The following MARCHF2 variants were observed in gnomAD, a reference collection of about 807,000 sequenced individuals.
MARCHF2 encodes E3 ubiquitin-protein ligase MARCHF2.
Under a neutral mutation model 24.0 loss-of-function variants are expected in MARCHF2, and 22 were observed. The observed-to-expected ratio is 0.92, with a 90% CI of 0.66 to 1.31. The LOEUF (loss-of-function observed/expected upper bound fraction) is 1.31. MARCHF2 is among the 50% of genes most tolerant of loss of function. The probability of loss-of-function intolerance (pLI) is 0.00; values close to 1 mark genes in which losing one functional copy is unlikely to be tolerated. For synonymous variants in MARCHF2, 154 were observed against 153.0 expected (o/e 1.01, Z -0.05); for missense variants, 301 against 335.3 (o/e 0.90, Z 0.80).
At chr19:8,425,965 C>T (rs1363191771) in intron 2 of MARCHF2, among the ~76,000 whole-genome samples, 4 of 151,612 alleles carry the variant, frequency 2.6e-5, no homozygotes, top group African/African-American at 7.3e-5. Flanking sequence ...CGGTGGCTCA[C>T]GCCTGTAATC....
intron 1 of MARCHF2, among the ~76,000 whole-genome samples, chr19:8,414,993 C>G (rs919208857): frequency 6.6e-6 from 1 of 152,248 alleles, no homozygotes; most frequent in Non-Finnish European, 1.5e-5. Flanking sequence ...CAAATTCTGA[C>G]ACCACCCCTT....
At chr19:8,416,192 A>T (rs568150617) in intron 1 of MARCHF2, among the ~76,000 whole-genome samples, 1 of 151,912 alleles carries the variant, frequency 6.6e-6, no homozygotes, top group African/African-American at 2.4e-5. Context: ...AAATACAAAA[A>T]TTAGCCGGGT....
chr19:8,433,886 GA>G (rs1314229458), intron 4 of MARCHF2, among the ~76,000 whole-genome samples: 24 of 142,126 alleles, frequency 1.7e-4, no homozygotes, highest in South Asian at 6.7e-4. Flanking sequence ...AAAAAAAAAA[GA>G]AAAAAAGCCT....
At chr19:8,425,956 G>T (rs1017684034) in intron 2 of MARCHF2, among the ~76,000 whole-genome samples, 1 of 151,708 alleles carries the variant, frequency 6.6e-6, no homozygotes, top group African/African-American at 2.4e-5. Context: ...GGCCGGGTGC[G>T]GTGGCTCACG....
At chr19:8,421,199 T>G (rs553398720) in intron 1 of MARCHF2, among the ~76,000 whole-genome samples, 40 of 150,978 alleles carry the variant, frequency 2.6e-4, no homozygotes, top group African/African-American at 9.0e-4. Flanking sequence ...CTCGGCTCAC[T>G]GTAACTTCCC....
At chr19:8,416,756 G>A (rs190415534) in intron 1 of MARCHF2, among the ~76,000 whole-genome samples, 288 of 152,152 alleles carry the variant, frequency 1.9e-3, no homozygotes, top group Admixed American at 3.3e-3. Context: ...TTGTAGAGAC[G>A]GGGTCTTGGT....
intron 1 of MARCHF2, among the ~76,000 whole-genome samples, chr19:8,415,739 A>C (rs868089078): frequency 1.0e-5 from 1 of 96,798 alleles, no homozygotes; most frequent in African/African-American, 4.0e-5. Flanking sequence ...AAAAAACAAA[A>C]AAAACAAAAA....
At position 8,430,633 on chromosome 19, in the gene MARCHF2, C is replaced by G. The variant is rs757922607; in HGVS notation, c.373-25C>G. 2.1e-5 allele frequency: 33 copies of G among 1,599,020 alleles called. 1 individual carries two copies. The South Asian group carries it at 3.6e-4, about 18-fold the overall frequency. On this transcript the variant is annotated intron_variant, in intron 3 of 4. Transcript: ENST00000215555. This position sits in a 1 kb window ranked among gnomAD's most constrained non-coding sequence, Gnocchi z 4.4. ...TAGCCCCTTCTCTGCCCCCTCTCCT[C>G]TGCCCCCTATCCTCTCCCCTGCAGT...
intron 1 of MARCHF2, among the ~76,000 whole-genome samples, chr19:8,417,434 AC>A (rs1967111588): frequency 6.6e-6 from 1 of 151,840 alleles, no homozygotes; most frequent in Admixed American, 6.6e-5. Context: ...ACAGAGTGAG[AC>A]CCTGTCTTTT....
chr19:8,438,354 G>A (rs748331096), intron 4 of MARCHF2, 34 bp from the exon 5 acceptor site: 1 of 1,607,832 alleles, frequency 6.2e-7, no homozygotes, highest in Admixed American at 1.7e-5. Context: ...CCTTGCGGGT[G>A]GAGGCCTCCG....
In MARCHF2 at chr19:8,426,907, A is replaced by G. The variant is rs550897585; in HGVS notation, c.372+103A>G. 332 of 1,033,974 alleles carry G rather than the reference A, an allele frequency of 3.2e-4. 2 individuals are homozygous for G. The African/African-American group carries it at 3.8e-3, about 12-fold the overall frequency. 64.0% of individuals were successfully genotyped at this position (1,033,974 alleles called of 1,614,324 possible). On this transcript the variant is annotated intron_variant, in intron 3 of 4. Coordinates refer to ENST00000215555, the MANE Select transcript of MARCHF2 (RefSeq NM_001005415.2). ...GGCAATCTGGTGGTCCTCCTAGGGC[A>G]GAACTCCCTACCGCCCCTGTCCACC... is the stretch of plus-strand genomic sequence containing the variant.
rs1404212038 is a variant in MARCHF2 at position 8,415,725 on chromosome 19, AAAAAAAAAAC to A, written c.-53+2314_-53+2323del. On this transcript the variant is annotated intron_variant, in intron 1 of 4. Coordinates refer to ENST00000215555, the MANE Select transcript of MARCHF2 (RefSeq NM_001005415.2). ...AACAAGAGTGAAACTCCATCTCAAAAAAAAAAAAACAAAAAAAACAAAAAAAAAAACCAGA... is the reference window on the plus strand; with the variant it reads ...AACAAGAGTGAAACTCCATCTCAAAAAAAAAAAACAAAAAAAAAAACCAGA... Among the ~76,000 whole-genome samples the A allele has an allele frequency of 1.4e-3, 134 of 94,254 alleles. 12 individuals carry two copies. In the East Asian group the frequency reaches 0.059, roughly 42 times the overall value. 61.8% of individuals were successfully genotyped at this position (94,254 alleles called of 152,430 possible).
chr19:8,428,867 G>A (rs1298509271), intron 3 of MARCHF2, among the ~76,000 whole-genome samples: 3 of 151,710 alleles, frequency 2.0e-5, no homozygotes, highest in African/African-American at 4.8e-5. Context: ...CCCGGAAGGC[G>A]GAGGTTGCAG....
chr19:8,427,492 A>G (rs1273094798), intron 3 of MARCHF2, among the ~76,000 whole-genome samples: 4 of 151,484 alleles, frequency 2.6e-5, no homozygotes, highest in Non-Finnish European at 2.9e-5. Flanking sequence ...CTGGACTTCA[A>G]AGCATCGCTT....
intron 4 of MARCHF2, among the ~76,000 whole-genome samples, chr19:8,436,253 G>C (rs1011109946): frequency 6.6e-6 from 1 of 151,814 alleles, no homozygotes. Context: ...TCCTGCCTCA[G>C]CCTCCCGAGT....
Position 8,430,673 on chromosome 19 carries a change from G to C in MARCHF2, c.388G>C (p.Gly130Arg). 6.2e-7 allele frequency: 1 copy of C among 1,608,804 alleles called. No individual in the cohort carries two copies. Among genetic ancestry groups the C allele is most frequent in the South Asian group, 1.1e-5 (1 of 91,016 alleles). ...TCCCCTGCAGTGGCTGAAGGACCCG[G>C]GGCCGCGGACGGAGAAGCGGACACT... ...RPLTEWLKDP[G>R]PRTEKRTLCC... The change falls in exon 4 of 5, where the codon GGG becomes CGG. Residue 130 changes from glycine (G) to arginine (R), a missense_variant. Coordinates refer to ENST00000215555, the MANE Select transcript of MARCHF2 (RefSeq NM_001005415.2). This position sits in a 1 kb window ranked among gnomAD's most constrained non-coding sequence, Gnocchi z 4.4.
In MARCHF2 at chr19:8,436,132, A is replaced by G. The variant is rs906264534; in HGVS notation, c.583-2256A>G. Among the ~76,000 whole-genome samples, 20 of 150,972 alleles carry G rather than the reference A, an allele frequency of 1.3e-4. No individual in the cohort carries two copies. In the Middle Eastern group the frequency reaches 0.01, roughly 79 times the overall value. On this transcript the variant is annotated intron_variant, in intron 4 of 4. Coordinates refer to ENST00000215555, the MANE Select transcript of MARCHF2 (RefSeq NM_001005415.2). Reference sequence around the variant, plus strand: ...TTTTGATGAATGTATAATGACATGTATTCACTATTTTTTTTTTTGGGGGGG... The same window carrying G: ...TTTTGATGAATGTATAATGACATGTGTTCACTATTTTTTTTTTTGGGGGGG...
At chr19:8,423,278 C>G (rs1003258772) in intron 2 of MARCHF2, 1 of 151,274 alleles carries the variant, frequency 6.6e-6, no homozygotes, top group Non-Finnish European at 1.5e-5. Flanking sequence ...GTTAGTCAGG[C>G]TGGTCTCCTG....
chr19:8,434,228 G>A (rs1208186807), intron 4 of MARCHF2, among the ~76,000 whole-genome samples: 9 of 151,744 alleles, frequency 5.9e-5, no homozygotes, highest in Non-Finnish European at 1.3e-4. Context: ...GGGATTACAG[G>A]CATGTGCCAC....
Sources: gnomAD v4.1 joint callset for allele counts (sites outside exome capture counted in the v4.1 genomes callset) on GRCh38, gnomAD v4.1.1 for gene constraint, Gnocchi (gnomAD v3.1) non-coding constraint, MANE v1.5 for transcripts, NCBI Gene and HGNC (gene_info 2026-07-23, HGNC 2026-07-21) for gene names.